The following MED13 variants were observed in gnomAD, a reference collection of about 807,000 sequenced individuals.
MED13 encodes mediator complex subunit 13.
A neutral mutation model predicts 225.2 loss-of-function variants in MED13; 23 were observed. The ratio of observed to expected loss-of-function variants is 0.10; its 90% CI spans 0.07 to 0.14. MED13 has a LOEUF of 0.14. Ranked by LOEUF, MED13 falls within the 10% of genes least tolerant of loss-of-function variation. The pLI is 1.00. For synonymous variants in MED13, 942 were observed against 889.2 expected (o/e 1.06, Z -1.06); for missense variants, 2,197 against 2,594.5 (o/e 0.85, Z 3.33).
At chr17:62,010,323 T>G (rs2080494550) in intron 9 of MED13, 2 of 372,936 alleles carry the variant, frequency 5.4e-6, no homozygotes, top group Non-Finnish European at 9.5e-6. Flanking sequence ...AGTTGGCTGA[T>G]GTACAAGTGT....
At chr17:61,975,491 C>T (rs1244174452) in intron 16 of MED13, among the ~76,000 whole-genome samples, 1 of 151,990 alleles carries the variant, frequency 6.6e-6, no homozygotes, top group African/African-American at 2.4e-5. Flanking sequence ...GTAAGTGAAA[C>T]CCTCATATAT....
intron 2 of MED13, among the ~76,000 whole-genome samples, chr17:62,054,736 A>G (rs2080983568): frequency 6.6e-6 from 1 of 152,244 alleles, no homozygotes; most frequent in Non-Finnish European, 1.5e-5. Context: ...CTACTAGAAT[A>G]TACATGTTCT....
intron 17 of MED13, 79 bp from the exon 18 acceptor site, chr17:61,968,337 A>AT (rs1336554841): frequency 1.5e-5 from 16 of 1,040,240 alleles, no homozygotes; most frequent in African/African-American, 6.6e-5. Context: ...TTATTTATTT[A>AT]TTTTTTGAGA....
Position 61,946,365 on chromosome 17 carries a change from C to T in MED13, c.*103G>A. The T allele has an allele frequency of 1.5e-6, 2 of 1,324,576 alleles. No homozygotes were observed. Among genetic ancestry groups the T allele is most frequent in the Non-Finnish European group, 2.1e-6 (2 of 963,034 alleles). The allele number at this position is 1,324,576 out of a possible 1,614,324, so 82.1% of individuals were successfully genotyped here. The stretch of plus-strand genomic sequence containing the variant: ...TTGTTGAAGTAATAAGAATTAGACC[C>T]CATCACAAATGACCTTCACTGAGAA... On this transcript the variant is annotated 3_prime_UTR_variant, in exon 30 of 30. Coordinates refer to ENST00000397786, the MANE Select transcript of MED13 (RefSeq NM_005121.3).
At chr17:62,006,593 A>AT (rs1264559564) in intron 9 of MED13, 1 of 151,102 alleles carries the variant, frequency 6.6e-6, no homozygotes, top group Non-Finnish European at 1.5e-5. Context: ...TATATACAAC[A>AT]TTTCCAATCA....
chr17:62,019,461 G>GT (rs1567982401), intron 8 of MED13, among the ~76,000 whole-genome samples: 1 of 152,202 alleles, frequency 6.6e-6, no homozygotes, highest in East Asian at 1.9e-4. Context: ...AGACAAAAAA[G>GT]TTTGAGAATT....
intron 16 of MED13, among the ~76,000 whole-genome samples, chr17:61,974,553 C>T (rs200148372): frequency 6.7e-6 from 1 of 149,490 alleles, no homozygotes; most frequent in South Asian, 2.1e-4. Context: ...GTACCCATAA[C>T]CTAAAAGTTA....
At chr17:61,961,182 A>G in intron 22 of MED13, 92 bp from the exon 23 acceptor site, 2 of 1,144,340 alleles carry the variant, frequency 1.7e-6, no homozygotes, top group Non-Finnish European at 2.4e-6. Context: ...CAATTATAAG[A>G]TAATTGGAAA....
At chr17:61,983,560 G>A (rs963561517) in intron 15 of MED13, among the ~76,000 whole-genome samples, 3 of 152,092 alleles carry the variant, frequency 2.0e-5, no homozygotes, top group African/African-American at 7.2e-5. Flanking sequence ...TTTTAGCCTT[G>A]AGTTGAAACT....
At chr17:62,054,404 G>A (rs2080981068) in intron 2 of MED13, among the ~76,000 whole-genome samples, 1 of 152,044 alleles carries the variant, frequency 6.6e-6, no homozygotes, top group African/African-American at 2.4e-5. Flanking sequence ...AATTTTTTAA[G>A]TCTAATATTA....
At chr17:62,045,144 C>A (rs936659991) in intron 3 of MED13, among the ~76,000 whole-genome samples, 2 of 152,138 alleles carry the variant, frequency 1.3e-5, no homozygotes, top group African/African-American at 4.8e-5. Context: ...CTCCTATACA[C>A]AATCTCATCT....
At position 62,008,016 on chromosome 17, in the gene MED13, C is replaced by CAAAAAAAAAAAAAAAAAAAAAA. The variant is rs60236710; in HGVS notation, c.1967+2533_1967+2534insTTTTTTTTTTTTTTTTTTTTTT. On this transcript the variant is annotated intron_variant, in intron 9 of 29. Coordinates refer to ENST00000397786, the MANE Select transcript of MED13 (RefSeq NM_005121.3). ...CCTGGAGGAAAGAGCGAGACTGTCT[C>CAAAAAAAAAAAAAAAAAAAAAA]AAAAAAAAAAAAAAAAAAAAGCTGT... Among the ~76,000 whole-genome samples, 13 of 50,502 alleles carry CAAAAAAAAAAAAAAAAAAAAAA rather than the reference C, an allele frequency of 2.6e-4. 1 individual carries two copies. The highest frequency in any genetic ancestry group is 8.2e-4 in the African/African-American group (12 of 14,688). 33.1% of individuals were successfully genotyped at this position (50,502 alleles called of 152,430 possible).
chr17:62,011,329 C>A (rs2080507074), intron 8 of MED13, 96 bp from the exon 9 acceptor site: 3 of 1,037,680 alleles, frequency 2.9e-6, no homozygotes, highest in Non-Finnish European at 4.0e-6. Context: ...GTTATCATTT[C>A]TTTTTCACAT....
chr17:61,951,088 CATT>C, intron 27 of MED13, 90 bp from the exon 28 acceptor site: 1 of 980,976 alleles, frequency 1.0e-6, no homozygotes, highest in Non-Finnish European at 1.5e-6. Context: ...CAATCAGTCT[CATT>C]ATCTTATGAC....
chr17:62,065,025 G>T, intron 1 of MED13, 115 bp downstream of exon 1: 1 of 911,238 alleles, frequency 1.1e-6, no homozygotes, highest in Non-Finnish European at 1.5e-6. Flanking sequence ...GCCGGCTCCG[G>T]CTGGGCCTCG....
intron 9 of MED13, among the ~76,000 whole-genome samples, chr17:61,999,560 T>TA (rs1187069455): frequency 2.6e-5 from 4 of 152,238 alleles, no homozygotes; most frequent in African/African-American, 4.8e-5. Flanking sequence ...TGGGTTATGC[T>TA]ATGTTCCACT....
chr17:61,997,003 AT>A (rs1375944182), intron 9 of MED13, among the ~76,000 whole-genome samples: 2 of 152,166 alleles, frequency 1.3e-5, no homozygotes, highest in Non-Finnish European at 2.9e-5. Flanking sequence ...GAAATAAACA[AT>A]TTTTACACAC....
At chr17:62,032,424 A>G (rs1455514314) in intron 5 of MED13, 2 of 150,586 alleles carry the variant, frequency 1.3e-5, no homozygotes, top group East Asian at 3.9e-4. Context: ...CAGTGAGCAG[A>G]GATCACGCCA....
intron 8 of MED13, among the ~76,000 whole-genome samples, chr17:62,025,641 G>T: frequency 6.6e-6 from 1 of 152,294 alleles, no homozygotes; most frequent in Middle Eastern, 3.4e-3. Context: ...TTGCACTCCT[G>T]TCTGCGAGAT....
Sources: gnomAD v4.1 joint callset for allele counts (sites outside exome capture counted in the v4.1 genomes callset) on GRCh38, gnomAD v4.1.1 for gene constraint, MANE v1.5 for transcripts, NCBI Gene and HGNC (gene_info 2026-07-23, HGNC 2026-07-21) for gene names.